The following ZFPM2 variants were observed in gnomAD, a reference collection of about 807,000 sequenced individuals.
The protein encoded by ZFPM2 is zinc finger protein ZFPM2.
ZFPM2 carries 20 observed loss-of-function variants against 98.6 expected under a neutral mutation model. The ratio of observed to expected loss-of-function variants is 0.20; its 90% CI spans 0.14 to 0.29. ZFPM2 has a LOEUF of 0.29. Ranked by LOEUF, ZFPM2 falls within the 10% of genes least tolerant of loss-of-function variation. ZFPM2 has a pLI of 1.00. For missense variants in ZFPM2, 1,310 were observed against 1,388.6 expected (o/e 0.94, Z 0.90); for synonymous variants, 518 against 502.7 (o/e 1.03, Z -0.41).
chr8:105,345,425 C>CTTT (rs10560485), intron 1 of ZFPM2, among the ~76,000 whole-genome samples: 1,486 of 98,284 alleles, frequency 0.015, 63 homozygotes, highest in Middle Eastern at 0.043. Flanking sequence ...TCGTGATGTT[C>CTTT]TTTTTTTTTT....
chr8:105,673,251 A>G (rs1817629916), intron 5 of ZFPM2, among the ~76,000 whole-genome samples: 1 of 143,930 alleles, frequency 6.9e-6, no homozygotes, highest in African/African-American at 2.6e-5. Context: ...ATTTAGTAAC[A>G]ATCAAGTCTC....
intron 4 of ZFPM2, among the ~76,000 whole-genome samples, chr8:105,598,155 G>T (rs551835671): frequency 5.7e-4 from 84 of 148,378 alleles, no homozygotes; most frequent in Non-Finnish European, 9.5e-4. Flanking sequence ...GTGTTCTTCT[G>T]GTGTTCTGAC....
At chr8:105,489,466 A>ATTTTTT (rs369037656) in intron 3 of ZFPM2, among the ~76,000 whole-genome samples, 3 of 119,778 alleles carry the variant, frequency 2.5e-5, no homozygotes, top group Admixed American at 9.0e-5. Flanking sequence ...ATATATATAT[A>ATTTTTT]TTTTTTTTTT....
At chr8:105,645,606 G>A (rs1817027071) in intron 5 of ZFPM2, among the ~76,000 whole-genome samples, 1 of 152,184 alleles carries the variant, frequency 6.6e-6, no homozygotes, top group African/African-American at 2.4e-5. Context: ...CTAATAAAGT[G>A]TTGCAGCTTG....
At chr8:105,799,008 A>T in intron 7 of ZFPM2, 60 bp downstream of exon 7, 1 of 1,429,074 alleles carries the variant, frequency 7.0e-7, no homozygotes, top group Non-Finnish European at 9.7e-7. Flanking sequence ...TTATAAATAT[A>T]TATGCATTAC....
rs553850629 is a variant in ZFPM2 at position 105,772,205 on chromosome 8, G to A, written c.533-16513G>A. Among the ~76,000 whole-genome samples, 31 of 152,254 alleles carry A rather than the reference G, an allele frequency of 2.0e-4. 1 individual carries two copies. The South Asian group carries it at 6.0e-3, about 30-fold the overall frequency. On this transcript the variant is annotated intron_variant, in intron 5 of 7. Coordinates refer to ENST00000407775, the MANE Select transcript of ZFPM2 (RefSeq NM_012082.4). ...TCCACTTAAGAATGGCAAGGGTTGA[G>A]GGTTGAGAATGTAGTGTGATGATGA...
At chr8:105,705,153 T>G (rs1586209175) in intron 5 of ZFPM2, among the ~76,000 whole-genome samples, 1 of 70,510 alleles carries the variant, frequency 1.4e-5, no homozygotes, top group Admixed American at 1.5e-4. Context: ...TCTGAATTGA[T>G]ATATATATAT....
chr8:105,438,661 G>T (rs960752828), intron 2 of ZFPM2, among the ~76,000 whole-genome samples: 18 of 152,124 alleles, frequency 1.2e-4, no homozygotes, highest in African/African-American at 4.3e-4. Context: ...TGTTGTTATG[G>T]AATGAATAAG....
chr8:105,752,625 A>T (rs1812506420), intron 5 of ZFPM2, among the ~76,000 whole-genome samples: 1 of 152,170 alleles, frequency 6.6e-6, no homozygotes, highest in Non-Finnish European at 1.5e-5. Flanking sequence ...ATAAACAAAC[A>T]ATACTTAATC....
At chr8:105,736,931 G>T (rs1232656258) in intron 5 of ZFPM2, among the ~76,000 whole-genome samples, 6 of 151,904 alleles carry the variant, frequency 3.9e-5, no homozygotes, top group African/African-American at 1.4e-4. Flanking sequence ...GATAGCCACT[G>T]ATATTTCATC....
chr8:105,377,569 T>C (rs7835491), intron 1 of ZFPM2, among the ~76,000 whole-genome samples: 136,368 of 136,370 alleles, frequency 1, 68,183 homozygotes, highest in Middle Eastern at 1. Flanking sequence ...TGCGACCAGC[T>C]TGGCCAACAT....
At chr8:105,322,474 T>G (rs1812046078) in intron 1 of ZFPM2, among the ~76,000 whole-genome samples, 1 of 147,196 alleles carries the variant, frequency 6.8e-6, no homozygotes, top group Admixed American at 6.9e-5. Context: ...TTTTTGCAAA[T>G]GAATGTCATT....
intron 3 of ZFPM2, among the ~76,000 whole-genome samples, chr8:105,524,279 T>C (rs1814124853): frequency 6.6e-6 from 1 of 152,184 alleles, no homozygotes; most frequent in South Asian, 2.1e-4. Flanking sequence ...ATAAATTCTG[T>C]AAGAGGAGAA....
At position 105,586,750 on chromosome 8, in the gene ZFPM2, A is replaced by T. The variant is rs1386086026; in HGVS notation, c.420+25269A>T. On this transcript the variant is annotated intron_variant, in intron 4 of 7. Coordinates refer to ENST00000407775, the MANE Select transcript of ZFPM2 (RefSeq NM_012082.4). ...ATCCTTTTTTACTGAGATTGATCCA[A>T]TATCAAAGCATACCTGAAAATTTTT... 8.6e-5 allele frequency among the ~76,000 whole-genome samples: 13 copies of T among 151,756 alleles called. 1 individual carries two copies. The highest frequency in any genetic ancestry group is 1.5e-5 in the Non-Finnish European group (1 of 67,980).
intron 5 of ZFPM2, among the ~76,000 whole-genome samples, chr8:105,734,391 C>A (rs1362142958): frequency 1.3e-5 from 2 of 151,820 alleles, no homozygotes; most frequent in Non-Finnish European, 2.9e-5. Context: ...CAGGAAATTC[C>A]AAGATACCCA....
At chr8:105,708,024 A>G (rs1054620814) in intron 5 of ZFPM2, among the ~76,000 whole-genome samples, 1 of 152,276 alleles carries the variant, frequency 6.6e-6, no homozygotes, top group Non-Finnish European at 1.5e-5. Context: ...GTTCCACCCT[A>G]ACTGCGAGAG....
At chr8:105,429,273 A>G (rs1811972621) in intron 2 of ZFPM2, among the ~76,000 whole-genome samples, 1 of 152,022 alleles carries the variant, frequency 6.6e-6, no homozygotes, top group Non-Finnish European at 1.5e-5. Context: ...CTGAGAACCT[A>G]TGTTACCTGT....
chr8:105,336,692 A>T (rs202151167), intron 1 of ZFPM2, among the ~76,000 whole-genome samples: 24,935 of 133,728 alleles, frequency 0.19, 2,495 homozygotes, highest in East Asian at 0.43. Context: ...TATACTCCAC[A>T]CACACACACA....
chr8:105,713,369 GTTAT>G (rs1371462127), intron 5 of ZFPM2, among the ~76,000 whole-genome samples: 3 of 151,866 alleles, frequency 2.0e-5, no homozygotes, highest in Non-Finnish European at 2.9e-5. Context: ...TTTTAATAGG[GTTAT>G]TTGTTTTCTT....
Sources: allele counts gnomAD v4.1 joint callset (sites outside exome capture counted in the v4.1 genomes callset), GRCh38; gene constraint gnomAD v4.1.1; transcripts MANE v1.5; gene names NCBI Gene and HGNC (gene_info 2026-07-23, HGNC 2026-07-21).